The following TTC8 variants were observed in gnomAD, a reference collection of about 807,000 sequenced individuals.
TTC8 encodes tetratricopeptide repeat domain 8, also known as tetratricopeptide repeat protein 8.
In TTC8, 47 loss-of-function variants were observed where a neutral mutation model predicts 72.5. The ratio of observed to expected loss-of-function variants is 0.65; its 90% confidence interval spans 0.51 to 0.83. The LOEUF (loss-of-function observed/expected upper bound fraction) is 0.83. Ranked by LOEUF, TTC8 falls within the 40% of genes least tolerant of loss-of-function variation. The probability of loss-of-function intolerance (pLI) is 0.00; values close to 1 mark genes in which losing one functional copy is unlikely to be tolerated. For missense variants in TTC8, 611 were observed against 623.2 expected, an observed-to-expected ratio of 0.98 and a Z score of 0.21; for synonymous variants, 199 against 221.4, an observed-to-expected ratio of 0.90 and a Z score of 0.90.
At chr14:88,842,969 AG>A (rs1467698284) in intron 6 of TTC8, among the ~76,000 whole-genome samples, 1 of 151,940 alleles carries the variant, frequency 6.6e-6, no homozygotes, top group Non-Finnish European at 1.5e-5. Context: ...TTTTAAAGAA[AG>A]GCCTTGTCTT....
chr14:88,873,166 G>T (rs992848104), intron 13 of TTC8, among the ~76,000 whole-genome samples: 10 of 152,102 alleles, frequency 6.6e-5, no homozygotes, highest in Admixed American at 6.5e-5. Context: ...CTGCCCTCTG[G>T]CTCCTGCTCA....
At chr14:88,841,613 T>C (rs1356229614) in intron 6 of TTC8, 99 bp downstream of exon 6, 1 of 1,010,088 alleles carries the variant, frequency 9.9e-7, no homozygotes, top group African/African-American at 1.6e-5. Flanking sequence ...GGAAAGGCCA[T>C]GTCTTTATTG....
chr14:88,824,676 G>GC lies in TTC8; in HGVS notation c.-31dup. The GC allele has an allele frequency of 6.4e-7, 1 of 1,554,356 alleles. No individual in the cohort carries two copies. The highest frequency in any genetic ancestry group is 8.7e-7 in the Non-Finnish European group (1 of 1,143,086). The stretch of plus-strand genomic sequence containing the variant: ...ACTCCACGCCCACCTCTCTCCTGGA[G>GC]CGCTGGGCCTTCGCTGGCCGCACCG... On this transcript the variant is annotated 5_prime_UTR_variant, in exon 1 of 15. Transcript: ENST00000380656.
chr14:88,838,914 A>G (rs2094765957), intron 2 of TTC8, among the ~76,000 whole-genome samples: 1 of 151,102 alleles, frequency 6.6e-6, no homozygotes, highest in African/African-American at 2.4e-5. Context: ...AACCATAGAT[A>G]TTATGGAAAA....
chr14:88,852,926 T>A, intron 7 of TTC8, 45 bp from the exon 8 acceptor site: 1 of 1,499,258 alleles, frequency 6.7e-7, no homozygotes, highest in African/African-American at 1.4e-5. Flanking sequence ...TGACTGCTTA[T>A]TGTTAGAAAA....
At position 88,875,100 on chromosome 14, in the gene TTC8, C is replaced by T; in HGVS notation, c.1422C>T (p.Ile474=). ...MYEPHFNFAT[I]SDKIGDLQRS... is the part of the protein sequence containing the mutation. ...AACCGCATTTTAATTTTGCAACAAT[C>T]TCTGATAAGGTATTCTCTTTCTTCA... The change falls in exon 14 of 15, where the codon ATC becomes ATT. Residue 474 remains isoleucine (I), a synonymous_variant. Coordinates refer to ENST00000380656, the MANE Select transcript of TTC8 (RefSeq NM_144596.4). 6.2e-7 allele frequency: 1 copy of T among 1,611,108 alleles called. No homozygotes were observed. The highest frequency in any genetic ancestry group is 8.5e-7 in the Non-Finnish European group (1 of 1,178,096).
intron 7 of TTC8, among the ~76,000 whole-genome samples, chr14:88,848,123 CAAAAAAAA>C (rs58210253): frequency 1.7e-4 from 3 of 17,688 alleles, no homozygotes; most frequent in Non-Finnish European, 3.4e-4. Flanking sequence ...AACTCTGTCT[CAAAAAAAA>C]AAAAAAAAAA....
At chr14:88,878,024 T>C (rs1259897852), downstream of TTC8, 1 of 152,222 alleles carries the variant, frequency 6.6e-6, no homozygotes, top group Non-Finnish European at 1.5e-5. Context: ...TTTATTTTAG[T>C]CATCTCAGGT....
chr14:88,864,294 G>A (rs1045763965), intron 10 of TTC8, among the ~76,000 whole-genome samples: 2 of 152,082 alleles, frequency 1.3e-5, no homozygotes, highest in African/African-American at 4.8e-5. Flanking sequence ...AAATATTCTG[G>A]ACTCTAAATT....
At position 88,871,577 on chromosome 14, in the gene TTC8, G is replaced by T. The variant is rs771231605; in HGVS notation, c.1078G>T (p.Gly360Cys). ...RRLLQMGIYN[G>C]QLFNNLGLCC... ...GCTGCTGCAGATGGGCATTTATAAC[G>T]GCCAGCTTTTTAACAATCTGGGGCT... The change falls in exon 12 of 15, where the codon GGC becomes TGC. Residue 360 changes from glycine to cysteine, a missense_variant. By Grantham distance (159) the Gly-to-Cys change is radical. Transcript: ENST00000380656. This position sits in a 1 kb window ranked among gnomAD's most constrained non-coding sequence, Gnocchi z 4.1. 1 of 1,613,808 alleles carries T rather than the reference G, an allele frequency of 6.2e-7. No homozygotes were observed. The highest frequency in any genetic ancestry group is 1.1e-5 in the South Asian group (1 of 91,054).
intron 2 of TTC8, 29 bp downstream of exon 2, chr14:88,833,751 G>C (rs774002593): frequency 1.9e-6 from 3 of 1,606,642 alleles, no homozygotes; most frequent in South Asian, 1.1e-5. Flanking sequence ...GCAACCTTTA[G>C]TTTAGAGAAT....
chr14:88,856,021 C>T (rs1425594453), intron 8 of TTC8, among the ~76,000 whole-genome samples: 1 of 152,224 alleles, frequency 6.6e-6, no homozygotes, highest in Non-Finnish European at 1.5e-5. Flanking sequence ...GAGGGCAAGG[C>T]TGCGGTGAGC....
chr14:88,833,194 A>G (rs2094734389), intron 1 of TTC8, among the ~76,000 whole-genome samples: 1 of 151,938 alleles, frequency 6.6e-6, no homozygotes, highest in Non-Finnish European at 1.5e-5. Context: ...TTTTATAAAT[A>G]AATTTGTTAT....
At chr14:88,846,438 G>C (rs1416947490) in intron 7 of TTC8, among the ~76,000 whole-genome samples, 2 of 152,122 alleles carry the variant, frequency 1.3e-5, no homozygotes, top group African/African-American at 4.8e-5. Context: ...AACTGTAAAG[G>C]TCCTGAGTAG....
chr14:88,848,277 A>G (rs1331839164), intron 7 of TTC8, among the ~76,000 whole-genome samples: 1 of 152,094 alleles, frequency 6.6e-6, no homozygotes, highest in Non-Finnish European at 1.5e-5. Flanking sequence ...ACAAAAATAT[A>G]AAATAAAGAG....
rs1478603153 is a variant in TTC8, at chr14:88,870,116, A to G, written c.967A>G (p.Asn323Asp). The change falls in exon 11 of 15, where the codon AAT (asparagine) becomes GAT (aspartate). Residue 323 changes from asparagine (N) to aspartate (D), a missense_variant. By Grantham distance (23) the Asn-to-Asp change is conservative. Coordinates refer to ENST00000380656, the MANE Select transcript of TTC8 (RefSeq NM_144596.4). ...TTACAAAGAAGTTTTGAAACAAGAC[A>G]ATACTCATGTGGAAGCCATCGCATG... ...EYYKEVLKQD[N>D]THVEAIACIG... 1 of 1,614,054 alleles carries G rather than the reference A, an allele frequency of 6.2e-7. No homozygotes were observed. Among genetic ancestry groups the G allele is most frequent in the Non-Finnish European group, 8.5e-7 (1 of 1,179,926 alleles).
intron 12 of TTC8, 74 bp from the exon 13 acceptor site, chr14:88,872,256 G>A (rs181414518): frequency 6.9e-6 from 11 of 1,598,222 alleles, no homozygotes; most frequent in Non-Finnish European, 9.4e-6. Context: ...GGTAGCAGAA[G>A]AGATACCTAT....
chr14:88,833,241 T>C (rs917840149), intron 1 of TTC8, among the ~76,000 whole-genome samples: 1 of 152,188 alleles, frequency 6.6e-6, no homozygotes, highest in Non-Finnish European at 1.5e-5. Flanking sequence ...TTCTATTTAA[T>C]TTGTACAGAA....
rs1253925667 is a variant in TTC8 at position 88,842,530 on chromosome 14, A to G, written c.579+1016A>G. Among the ~76,000 whole-genome samples the G allele has an allele frequency of 3.3e-5, 5 of 152,170 alleles. No homozygotes were observed. In the East Asian group the frequency reaches 9.6e-4, roughly 29 times the overall value. On this transcript the variant is annotated intron_variant, in intron 6 of 14. Transcript: ENST00000380656. ...TTATGAGAGTGGAGTAGTGAAAGCAACTCATGTGGAATATCTGGTTCCCTA... is the reference window on the plus strand; with the variant it reads ...TTATGAGAGTGGAGTAGTGAAAGCAGCTCATGTGGAATATCTGGTTCCCTA...
Sources: allele counts gnomAD v4.1 joint callset (sites outside exome capture counted in the v4.1 genomes callset), GRCh38; gene constraint gnomAD v4.1.1; non-coding constraint Gnocchi (gnomAD v3.1); transcripts MANE v1.5; gene names NCBI Gene and HGNC (gene_info 2026-07-23, HGNC 2026-07-21).